Variants in SLIT3 observed in about 807,000 individuals in gnomAD.
SLIT3 encodes slit guidance ligand 3.
A neutral mutation model predicts 184.0 loss-of-function variants in SLIT3; 68 were observed. The ratio of observed to expected loss-of-function variants is 0.37; its 90% CI spans 0.30 to 0.45. The LOEUF is 0.45. SLIT3 is among the 20% of genes least tolerant of loss of function. The pLI, the probability that SLIT3 is intolerant of heterozygous loss-of-function variation, is 1.00. For missense variants in SLIT3, 1,707 were observed against 2,026.0 expected (o/e 0.84, Z 3.02); for synonymous variants, 831 against 828.6 (o/e 1.00, Z -0.05).
intron 20 of SLIT3, among the ~76,000 whole-genome samples, chr5:168,747,266 CCT>C (rs1390497882): frequency 1.3e-5 from 2 of 152,284 alleles, no homozygotes; most frequent in African/African-American, 4.8e-5. Context: ...CAACCTTGTA[CCT>C]CTCTTTTTGT....
At chr5:169,206,876 T>C (rs1203461359) in intron 3 of SLIT3, among the ~76,000 whole-genome samples, 1 of 152,178 alleles carries the variant, frequency 6.6e-6, no homozygotes, top group African/African-American at 2.4e-5. Flanking sequence ...TAGCATTTCT[T>C]CCCGATTCAG....
chr5:168,671,217 C>G lies in SLIT3; in HGVS notation c.4108G>C (p.Asp1370His). ...ACTGACCTGTGGCCGAGGCAGGGGT[C>G]CCGGGCCTCCTGATCGCAGAGTGGG... is the stretch of plus-strand genomic sequence containing the variant. ...TGPLCDQEAR[D>H]PCLGHRCHHG... The change falls in exon 34 of 36, where the codon GAC becomes CAC. Residue 1370 changes from aspartate to histidine, a missense_variant. Around this residue, in one of 3 missense-constraint regions of SLIT3, gnomAD observed 387 missense variants for 477.9 expected, o/e 0.81. Transcript: ENST00000519560. The G allele has an allele frequency of 6.2e-7, 1 of 1,609,812 alleles. No individual in the cohort carries two copies. Among genetic ancestry groups the G allele is most frequent in the East Asian group, 2.2e-5 (1 of 44,772 alleles).
At chr5:168,876,748 T>G (rs1437941300) in intron 5 of SLIT3, among the ~76,000 whole-genome samples, 2 of 152,226 alleles carry the variant, frequency 1.3e-5, no homozygotes, top group Non-Finnish European at 2.9e-5. Context: ...GGTTTACTAA[T>G]TGACTCCCTC....
intron 4 of SLIT3, among the ~76,000 whole-genome samples, chr5:169,057,961 G>A (rs1758060804): frequency 6.6e-6 from 1 of 152,232 alleles, no homozygotes; most frequent in South Asian, 2.1e-4. Flanking sequence ...TTAAGATCAA[G>A]ATGAAATCAG....
Position 168,840,297 on chromosome 5 carries a change from C to T in SLIT3, c.557+4287G>A, listed in dbSNP as rs577779384. ...ACGTATTTATTGAACTTCTGACTTG[C>T]TACCTTTAGTCAAGGGACAATGTCC... On this transcript the variant is annotated intron_variant, in intron 6 of 35. Transcript: ENST00000519560. 2.0e-5 allele frequency among the ~76,000 whole-genome samples: 3 copies of T among 152,312 alleles called. No homozygotes were observed. The South Asian group carries it at 6.2e-4, about 32-fold the overall frequency.
chr5:169,233,478 G>A (rs2113557086), intron 3 of SLIT3, among the ~76,000 whole-genome samples: 2 of 151,298 alleles, frequency 1.3e-5, no homozygotes, highest in South Asian at 4.2e-4. Context: ...CTGATAGTTA[G>A]GAAGAATAGC....
chr5:168,884,421 T>TCA (rs1453363015), intron 4 of SLIT3, among the ~76,000 whole-genome samples: 72 of 52,200 alleles, frequency 1.4e-3, no homozygotes, highest in Middle Eastern at 0.012. Context: ...TCTCTCTCTC[T>TCA]CTCTCTCACA....
intron 9 of SLIT3, among the ~76,000 whole-genome samples, chr5:168,804,334 A>C (rs2113626705): frequency 6.6e-6 from 1 of 150,710 alleles, no homozygotes; most frequent in African/African-American, 2.4e-5. Flanking sequence ...AAAAAAAAAA[A>C]AAAAAGATGA....
At chr5:169,168,517 T>C (rs1561711065) in intron 4 of SLIT3, among the ~76,000 whole-genome samples, 1 of 152,212 alleles carries the variant, frequency 6.6e-6, no homozygotes. Flanking sequence ...TGCTGTGCAC[T>C]GTGCTGGGAG....
intron 32 of SLIT3, among the ~76,000 whole-genome samples, chr5:168,680,273 A>G (rs139995628): frequency 2.3e-4 from 35 of 152,372 alleles, no homozygotes; most frequent in Middle Eastern, 3.4e-3. Context: ...GGAACAGTGA[A>G]GTCTGTCCCC....
At chr5:169,008,656 T>C (rs1023267524) in intron 4 of SLIT3, among the ~76,000 whole-genome samples, 2 of 151,922 alleles carry the variant, frequency 1.3e-5, no homozygotes, top group African/African-American at 2.4e-5. Flanking sequence ...CTGCTGTTGT[T>C]GTTTTTTTTT....
At chr5:169,126,650 C>A (rs150087682) in intron 4 of SLIT3, among the ~76,000 whole-genome samples, 4 of 152,190 alleles carry the variant, frequency 2.6e-5, no homozygotes, top group Non-Finnish European at 5.9e-5. Flanking sequence ...TCCCTTGACA[C>A]GACAACATTA....
intron 4 of SLIT3, among the ~76,000 whole-genome samples, chr5:169,068,572 T>C (rs1237307287): frequency 1.3e-5 from 2 of 152,176 alleles, no homozygotes; most frequent in African/African-American, 4.8e-5. Context: ...TTTCCAAACA[T>C]AGCACTCATT....
chr5:168,754,740 ATATG>A (rs1247205228), intron 16 of SLIT3, among the ~76,000 whole-genome samples: 1 of 152,200 alleles, frequency 6.6e-6, no homozygotes, highest in African/African-American at 2.4e-5. Flanking sequence ...TGTCCCATAA[ATATG>A]TATAATTGTT....
rs34881862 is a variant in SLIT3 at position 169,140,480 on chromosome 5, CAAAAAAAAAAAAA to C, written c.413+52986_413+52998del. 4.4e-3 allele frequency among the ~76,000 whole-genome samples: 208 copies of C among 46,928 alleles called. 1 individual carries two copies. Among genetic ancestry groups the C allele is most frequent in the East Asian group, 0.021 (50 of 2,392 alleles). 30.8% of individuals were successfully genotyped at this position (46,928 alleles called of 152,430 possible). On this transcript the variant is annotated intron_variant, in intron 4 of 35. Transcript: ENST00000519560. Reference sequence around the variant, plus strand: ...GGGCAACAAGAGTGAAACTCTAACTCAAAAAAAAAAAAAAAAAAAAAAAAAAAAAGACGCAGGC... The same window carrying C: ...GGGCAACAAGAGTGAAACTCTAACTCAAAAAAAAAAAAAAAAGACGCAGGC...
At chr5:168,682,121 G>C (rs764549419) in intron 32 of SLIT3, among the ~76,000 whole-genome samples, 55 of 152,338 alleles carry the variant, frequency 3.6e-4, no homozygotes, top group Non-Finnish European at 6.2e-4. Context: ...GGCGGCCCAG[G>C]CTCTAGGGAG....
chr5:169,013,385 G>T (rs1405483973), intron 4 of SLIT3: 2 of 152,236 alleles, frequency 1.3e-5, no homozygotes, highest in Non-Finnish European at 2.9e-5. Flanking sequence ...TCTGTGTCAG[G>T]TAAGCACGTC....
At chr5:169,104,756 A>C (rs769518919) in intron 4 of SLIT3, among the ~76,000 whole-genome samples, 6 of 152,204 alleles carry the variant, frequency 3.9e-5, no homozygotes, top group Non-Finnish European at 7.3e-5. Context: ...TCTGGGAACC[A>C]GACAAGGTTG....
At chr5:168,686,305 T>C (rs1345367855) in intron 30 of SLIT3, among the ~76,000 whole-genome samples, 1 of 152,186 alleles carries the variant, frequency 6.6e-6, no homozygotes, top group Non-Finnish European at 1.5e-5. Context: ...CAGAATTGCC[T>C]GGGGGTGATT....
Sources: gnomAD v4.1 joint callset for allele counts (sites outside exome capture counted in the v4.1 genomes callset) on GRCh38, gnomAD v4.1.1 for gene constraint, gnomAD v4.1.1 regional missense constraint, MANE v1.5 for transcripts, NCBI Gene and HGNC (gene_info 2026-07-23, HGNC 2026-07-21) for gene names.